Variants in TMEM200A observed in about 807,000 individuals in gnomAD.
TMEM200A encodes two transmembrane C.
Under a neutral mutation model 24.3 loss-of-function variants are expected in TMEM200A, and 12 were observed. The observed-to-expected ratio is 0.49, with a 90% confidence interval of 0.32 to 0.80. The LOEUF is 0.80. Among genes scored for constraint, TMEM200A ranks in the 30% least tolerant of loss-of-function variants. The pLI, the probability that TMEM200A is intolerant of heterozygous loss-of-function variation, is 0.04. For missense variants in TMEM200A, 545 were observed against 614.4 expected (o/e 0.89, Z 1.19); for synonymous variants, 224 against 224.4 (o/e 1.00, Z 0.02).
In TMEM200A at chr6:130,441,422, A is replaced by T. The variant is rs753806232; in HGVS notation, c.1000A>T (p.Thr334Ser). The T allele has an allele frequency of 2.5e-6, 4 of 1,614,112 alleles. No individual in the cohort carries two copies. Among genetic ancestry groups the T allele is most frequent in the Non-Finnish European group, 3.4e-6 (4 of 1,180,008 alleles). Residue 334 changes from threonine to serine, a missense_variant, in exon 3 of 3, where the codon ACC becomes TCC. Thr to Ser is a moderately conservative substitution (Grantham distance 58, BLOSUM62 1). Coordinates refer to ENST00000296978, the MANE Select transcript of TMEM200A (RefSeq NM_001258277.2). ...TTCCCTTGTGGTTCCTTTGCCCAACACCAGTGAATCCTTCCAGCCCGTCAG... is the reference window on the plus strand; with the variant it reads ...TTCCCTTGTGGTTCCTTTGCCCAACTCCAGTGAATCCTTCCAGCCCGTCAG... The part of the protein sequence containing the change: ...MDSLVVPLPN[T>S]SESFQPVSTV...
At chr6:130,429,158 A>T (rs372925486) in intron 2 of TMEM200A, among the ~76,000 whole-genome samples, 10 of 146,730 alleles carry the variant, frequency 6.8e-5, no homozygotes, top group South Asian at 2.1e-4. Context: ...AACTGGATTT[A>T]AAAAAATCAA....
At chr6:130,371,549 T>C (rs1267417574) in intron 1 of TMEM200A, among the ~76,000 whole-genome samples, 7 of 151,850 alleles carry the variant, frequency 4.6e-5, no homozygotes, top group African/African-American at 1.7e-4. Context: ...GAAATGAGAG[T>C]GCCAGAATTC....
intron 2 of TMEM200A, chr6:130,439,091 T>C (rs1339805183): frequency 6.6e-6 from 1 of 152,192 alleles, no homozygotes; most frequent in Non-Finnish European, 1.5e-5. Context: ...AGAGACAAAG[T>C]TAAAGTCAAT....
intron 2 of TMEM200A, among the ~76,000 whole-genome samples, chr6:130,422,570 T>C (rs1779622665): frequency 6.6e-6 from 1 of 152,170 alleles, no homozygotes; most frequent in African/African-American, 2.4e-5. Context: ...CACAGCCTTA[T>C]TGTACTTTTT....
At chr6:130,384,454 A>T (rs903914728) in intron 1 of TMEM200A, among the ~76,000 whole-genome samples, 2 of 152,014 alleles carry the variant, frequency 1.3e-5, no homozygotes, top group Admixed American at 1.3e-4. Flanking sequence ...TGAGACTGCA[A>T]GTGTATGCCA....
At chr6:130,437,560 T>C (rs1455110638) in intron 2 of TMEM200A, 1 of 152,186 alleles carries the variant, frequency 6.6e-6, no homozygotes, top group Non-Finnish European at 1.5e-5. Context: ...AATGTGATTT[T>C]GCCAATCCTT....
At chr6:130,414,221 C>CAGG (rs1779396782) in intron 2 of TMEM200A, among the ~76,000 whole-genome samples, 1 of 152,010 alleles carries the variant, frequency 6.6e-6, no homozygotes, top group South Asian at 2.1e-4. Context: ...CACTTGAGGT[C>CAGG]AGGAGTTTGA....
chr6:130,408,434 C>T (rs1779255571), intron 2 of TMEM200A, among the ~76,000 whole-genome samples: 2 of 152,162 alleles, frequency 1.3e-5, no homozygotes, highest in Admixed American at 6.6e-5. Context: ...TATCTACTTT[C>T]CAAAATCTCT....
upstream of TMEM200A, chr6:130,365,759 G>A (rs1192487338): frequency 1.0e-6 from 1 of 985,550 alleles, no homozygotes; most frequent in African/African-American, 1.7e-5. Context: ...GTCTGCGGGT[G>A]ATTTGGGCTC....
chr6:130,397,366 T>C (rs1778975285), intron 2 of TMEM200A, among the ~76,000 whole-genome samples: 1 of 152,134 alleles, frequency 6.6e-6, no homozygotes, highest in Admixed American at 6.6e-5. Flanking sequence ...GGATCAGTTT[T>C]TTTTGTAACT....
chr6:130,366,114 C>A lies in TMEM200A; in HGVS notation c.-491C>A, dbSNP rs1040022901. On this transcript the variant is annotated 5_prime_UTR_variant, in exon 1 of 3. Coordinates refer to ENST00000296978, the MANE Select transcript of TMEM200A (RefSeq NM_001258277.2). The surrounding 1 kb of genome is among the most constrained non-coding windows in gnomAD (Gnocchi z 4.4). ...CGCCGCCTGAGCGGCGACTCCCTCT[C>A]CCCTGCCCGGCTTGCTGCGCCCGGT... 2.0e-6 allele frequency: 2 copies of A among 985,396 alleles called. No homozygotes were observed. Among genetic ancestry groups the A allele is most frequent in the Non-Finnish European group, 2.4e-6 (2 of 830,030 alleles). 61.0% of individuals were successfully genotyped at this position (985,396 alleles called of 1,614,324 possible). A position where few individuals can be genotyped will look rare whatever the true frequency, so the allele number is the denominator to read the frequency against.
chr6:130,403,867 C>G (rs1779145950), intron 2 of TMEM200A, among the ~76,000 whole-genome samples: 1 of 152,066 alleles, frequency 6.6e-6, no homozygotes, highest in Non-Finnish European at 1.5e-5. Flanking sequence ...TTGTTCCTCT[C>G]TATGTGTCCA....
chr6:130,404,224 C>T (rs1274373868), intron 2 of TMEM200A, among the ~76,000 whole-genome samples: 1 of 152,156 alleles, frequency 6.6e-6, no homozygotes, highest in African/African-American at 2.4e-5. Flanking sequence ...AATGGTATTT[C>T]TGCCTTTATG....
At position 130,441,705 on chromosome 6, in the gene TMEM200A, A is replaced by G. The variant is rs1361580015; in HGVS notation, c.1283A>G (p.Lys428Arg). ...SWPRLDRNNS[K>R]GYMKLENKED... Reference sequence around the variant, plus strand: ...CCTAGGTTGGATCGGAACAACAGCAAGGGATATATGAAACTAGAGAACAAA... The same window carrying G: ...CCTAGGTTGGATCGGAACAACAGCAGGGGATATATGAAACTAGAGAACAAA... Residue 428 changes from lysine to arginine, a missense_variant, in exon 3 of 3, where the codon AAG becomes AGG. Physicochemically the swap from Lys to Arg is conservative, Grantham distance 26. Transcript: ENST00000296978. The G allele has an allele frequency of 2.5e-6, 4 of 1,614,096 alleles. No homozygotes were observed. Among genetic ancestry groups the G allele is most frequent in the South Asian group, 2.2e-5 (2 of 91,074 alleles).
chr6:130,406,254 G>A (rs954960112), intron 2 of TMEM200A, among the ~76,000 whole-genome samples: 1 of 152,026 alleles, frequency 6.6e-6, no homozygotes, highest in African/African-American at 2.4e-5. Flanking sequence ...TAAAATATAT[G>A]TGCAGCTTAA....
At chr6:130,405,344 G>A (rs1382598287) in intron 2 of TMEM200A, among the ~76,000 whole-genome samples, 1 of 152,022 alleles carries the variant, frequency 6.6e-6, no homozygotes, top group Non-Finnish European at 1.5e-5. Context: ...GCAGTGGTTT[G>A]TAGTTCTCCT....
At chr6:130,383,921 C>T (rs1283400608) in intron 1 of TMEM200A, among the ~76,000 whole-genome samples, 1 of 152,086 alleles carries the variant, frequency 6.6e-6, no homozygotes, top group Non-Finnish European at 1.5e-5. Flanking sequence ...AAGTTTGAGA[C>T]CAGCCTGGCC....
intron 1 of TMEM200A, among the ~76,000 whole-genome samples, chr6:130,378,757 A>G (rs898227492): frequency 1.3e-5 from 2 of 152,124 alleles, no homozygotes; most frequent in African/African-American, 4.8e-5. Context: ...TTGAGTAAGA[A>G]TAGCCCAGAG....
intron 2 of TMEM200A, among the ~76,000 whole-genome samples, chr6:130,420,436 G>A (rs1293178093): frequency 6.6e-6 from 1 of 152,130 alleles, no homozygotes; most frequent in Non-Finnish European, 1.5e-5. Flanking sequence ...ACCATGGCAA[G>A]GGGAAGGGAT....
Sources: allele counts gnomAD v4.1 joint callset (sites outside exome capture counted in the v4.1 genomes callset), GRCh38; gene constraint gnomAD v4.1.1; non-coding constraint Gnocchi (gnomAD v3.1); transcripts MANE v1.5; gene names NCBI Gene and HGNC (gene_info 2026-07-23, HGNC 2026-07-21).